GNB5: variants seen among roughly 807,000 people sequenced by gnomAD.
GNB5 encodes the protein guanine nucleotide-binding protein subunit beta-5.
GNB5 carries 37 observed loss-of-function variants against 55.3 expected under a neutral mutation model. That is an observed-to-expected ratio of 0.67 (90% CI 0.51 to 0.88). The LOEUF (loss-of-function observed/expected upper bound fraction) is 0.88, where lower values mean the gene tolerates loss of function less well. Among genes scored for constraint, GNB5 ranks in the 40% least tolerant of loss-of-function variants. The probability of loss-of-function intolerance (pLI) is 0.00; values close to 1 mark genes in which losing one functional copy is unlikely to be tolerated. For missense variants in GNB5, 476 were observed against 515.3 expected (o/e 0.92, Z 0.74); for synonymous variants, 219 against 198.5 (o/e 1.10, Z -0.87).
intron 3 of GNB5, among the ~76,000 whole-genome samples, chr15:52,166,241 T>C (rs1007641916): frequency 2.0e-5 from 3 of 152,170 alleles, no homozygotes; most frequent in African/African-American, 7.2e-5. Context: ...ACAATAATAG[T>C]GGGAGACTTT....
intron 9 of GNB5, among the ~76,000 whole-genome samples, chr15:52,132,419 A>C (rs2033599355): frequency 6.6e-6 from 1 of 151,802 alleles, no homozygotes; most frequent in Non-Finnish European, 1.5e-5. Flanking sequence ...CTAACTGGTC[A>C]TCATATTTCC....
intron 7 of GNB5, among the ~76,000 whole-genome samples, chr15:52,136,349 G>A (rs538672267): frequency 1.6e-4 from 24 of 152,286 alleles, no homozygotes; most frequent in Admixed American, 7.2e-4. Context: ...TGCCTGGCTC[G>A]TAGGAAGTGT....
chr15:52,137,782 G>A (rs566073128), intron 7 of GNB5: 1 of 1,233,056 alleles, frequency 8.1e-7, no homozygotes, highest in Admixed American at 2.7e-5. Context: ...GAGCCCTGGA[G>A]CCAGCTGGGT....
rs1189521248 is a variant in GNB5, at chr15:52,177,027, CCTT to C, written c.238+2738_238+2740del. On this transcript the variant is annotated intron_variant, in intron 3 of 12. Coordinates refer to ENST00000261837, the MANE Select transcript of GNB5 (RefSeq NM_016194.4). ...CTCCTGGGGCCTCTGCCTAGCTCCT[CCTT>C]TTTTTTTTTTTTTTTTTTTTTTGAG... Among the ~76,000 whole-genome samples the C allele has an allele frequency of 6.9e-4, 83 of 120,434 alleles. 4 individuals carry two copies. The South Asian group carries it at 0.021, about 30-fold the overall frequency. 79.0% of individuals were successfully genotyped at this position (120,434 alleles called of 152,430 possible).
intron 7 of GNB5, among the ~76,000 whole-genome samples, chr15:52,136,172 A>ACACACACACACACACACACACAC (rs1168734914): frequency 3.0e-5 from 3 of 100,116 alleles, no homozygotes; most frequent in East Asian, 2.8e-4. Context: ...ACACACACAC[A>ACACACACACACACACACACACAC]CCCTACCTGC....
At chr15:52,180,367 A>G (rs907906870) in intron 2 of GNB5, 1 of 152,516 alleles carries the variant, frequency 6.6e-6, no homozygotes, top group African/African-American at 2.4e-5. Context: ...CAGAGAGAGG[A>G]CGGGAGAGGA....
At chr15:52,175,956 G>A (rs1012231276) in intron 3 of GNB5, among the ~76,000 whole-genome samples, 2 of 152,160 alleles carry the variant, frequency 1.3e-5, no homozygotes, top group Admixed American at 1.3e-4. Context: ...GGCTGAGGCA[G>A]GAGAACTGCT....
At chr15:52,167,711 T>C (rs950749512) in intron 3 of GNB5, among the ~76,000 whole-genome samples, 1 of 151,410 alleles carries the variant, frequency 6.6e-6, no homozygotes, top group Non-Finnish European at 1.5e-5. Context: ...TTCAGGCCAA[T>C]ATCCCTGATG....
Position 52,136,442 on chromosome 15 carries a change from A to G in GNB5, c.628-686T>C, listed in dbSNP as rs75658263. Among the ~76,000 whole-genome samples the G allele has an allele frequency of 4.7e-3, 719 of 152,290 alleles. 16 individuals are homozygous for G. The highest frequency in any genetic ancestry group is 0.025 in the East Asian group (128 of 5,190). ...CAAAAACTTAAAGTGCTTCTTGGAT[A>G]CTGATGCATACACATCACTGGGCTG... On this transcript the variant is annotated intron_variant, in intron 7 of 12. Transcript: ENST00000261837.
chr15:52,179,957 C>A lies in GNB5; in HGVS notation c.127-78G>T, dbSNP rs201831470. The A allele has an allele frequency of 6.7e-3, 9,512 of 1,416,900 alleles. 73 individuals are homozygous for A. The highest frequency in any genetic ancestry group is 0.032 in the Admixed American group (1,175 of 36,550). 87.8% of individuals were successfully genotyped at this position (1,416,900 alleles called of 1,614,324 possible). A position where few individuals can be genotyped will look rare whatever the true frequency, so the allele number is the denominator to read the frequency against. On this transcript the variant is annotated intron_variant, in intron 2 of 12. Transcript: ENST00000261837. ...CCGCGGCGGGCGCCGCTCCAGCAGC[C>A]GTCCCCGGCCCCGAGCACCGCCCCG... is the stretch of plus-strand genomic sequence containing the variant.
Position 52,117,103 on chromosome 15 carries a change from T to TATATATATATATATATATATATA in GNB5, c.*5653_*5654insTATATATATATATATATATATAT, listed in dbSNP as rs1555403840. On this transcript the variant is annotated 3_prime_UTR_variant, in exon 13 of 13. Coordinates refer to ENST00000261837, the MANE Select transcript of GNB5 (RefSeq NM_016194.4). ...CACGCCCAGCTAATATATATATATATTTTTTTTTAGTACAGACAGGGTTTC... is the reference window on the plus strand; with the variant it reads ...CACGCCCAGCTAATATATATATATATATATATATATATATATATATATATTTTTTTTAGTACAGACAGGGTTTC... 4.0e-4 allele frequency: 38 copies of TATATATATATATATATATATATA among 95,942 alleles called. No individual in the cohort carries two copies. Among genetic ancestry groups the TATATATATATATATATATATATA allele is most frequent in the East Asian group, 1.1e-3 (4 of 3,720 alleles). 5.9% of individuals were successfully genotyped at this position (95,942 alleles called of 1,614,324 possible). A position where few individuals can be genotyped will look rare whatever the true frequency, so the allele number is the denominator to read the frequency against.
chr15:52,117,102 A>ATATATATATATATTTTTTTTTTTT lies in GNB5; in HGVS notation c.*5654_*5655insAAAAAAAAAAAATATATATATATA. On this transcript the variant is annotated 3_prime_UTR_variant, in exon 13 of 13. Coordinates refer to ENST00000261837, the MANE Select transcript of GNB5 (RefSeq NM_016194.4). ...CCACGCCCAGCTAATATATATATAT[A>ATATATATATATATTTTTTTTTTTT]TTTTTTTTTAGTACAGACAGGGTTT... is the stretch of plus-strand genomic sequence containing the variant. The ATATATATATATATTTTTTTTTTTT allele has an allele frequency of 9.2e-5, 8 of 87,098 alleles. No homozygotes were observed. Among genetic ancestry groups the ATATATATATATATTTTTTTTTTTT allele is most frequent in the African/African-American group, 4.9e-4 (8 of 16,444 alleles). 5.4% of individuals were successfully genotyped at this position (87,098 alleles called of 1,614,324 possible). A position where few individuals can be genotyped will look rare whatever the true frequency, so the allele number is the denominator to read the frequency against.
rs1596045010 is a variant in GNB5 at position 52,120,023 on chromosome 15, C to G, written c.*2734G>C. The G allele has an allele frequency of 6.6e-6, 1 of 152,382 alleles. No homozygotes were observed. The highest frequency in any genetic ancestry group is 2.4e-5 in the African/African-American group (1 of 41,558). 9.4% of individuals were successfully genotyped at this position (152,382 alleles called of 1,614,324 possible). A position where few individuals can be genotyped will look rare whatever the true frequency, so the allele number is the denominator to read the frequency against. On this transcript the variant is annotated 3_prime_UTR_variant, in exon 13 of 13. Coordinates refer to ENST00000261837, the MANE Select transcript of GNB5 (RefSeq NM_016194.4). ...CTGCCAGGGCCCCACCGGTGAGAGG[C>G]TGACCGCGCATTCTAAAGCACTGGA...
Position 52,117,102 on chromosome 15 carries a change from A to ATATATATATATATTTT in GNB5, c.*5654_*5655insAAAATATATATATATA. On this transcript the variant is annotated 3_prime_UTR_variant, in exon 13 of 13. Transcript: ENST00000261837. Reference sequence around the variant, plus strand: ...CCACGCCCAGCTAATATATATATATATTTTTTTTTAGTACAGACAGGGTTT... The same window carrying ATATATATATATATTTT: ...CCACGCCCAGCTAATATATATATATATATATATATATATTTTTTTTTTTTTAGTACAGACAGGGTTT... 7 of 87,094 alleles carry ATATATATATATATTTT rather than the reference A, an allele frequency of 8.0e-5. No individual in the cohort carries two copies. The highest frequency in any genetic ancestry group is 2.5e-4 in the Admixed American group (2 of 8,100). The allele number at this position is 87,094 out of a possible 1,614,324, so 5.4% of individuals were successfully genotyped here.
intron 9 of GNB5, among the ~76,000 whole-genome samples, chr15:52,132,038 G>T (rs968629769): frequency 3.9e-5 from 6 of 152,120 alleles, no homozygotes; most frequent in Non-Finnish European, 8.8e-5. Context: ...TTAGTAAATG[G>T]ACTGCTGCTT....
At position 52,122,503 on chromosome 15, in the gene GNB5, T is replaced by C. The variant is rs1468999401; in HGVS notation, c.*254A>G. 1 of 474,610 alleles carries C rather than the reference T, an allele frequency of 2.1e-6. No homozygotes were observed. Among genetic ancestry groups the C allele is most frequent in the Non-Finnish European group, 3.7e-6 (1 of 269,112 alleles). 29.4% of individuals were successfully genotyped at this position (474,610 alleles called of 1,614,324 possible). The stretch of plus-strand genomic sequence containing the variant: ...AATTTAGAATAACCTTAAAAACAGA[T>C]ACATTTTAAAAAGTGTTCCAAAAGA... On this transcript the variant is annotated 3_prime_UTR_variant, in exon 13 of 13. Transcript: ENST00000261837.
intron 6 of GNB5, chr15:52,147,174 T>G (rs1278000420): frequency 4.1e-6 from 1 of 243,736 alleles, no homozygotes; most frequent in Non-Finnish European, 8.0e-6. Context: ...TTGTTTTTTT[T>G]TTTTTTTTTT....
Position 52,122,612 on chromosome 15 carries a change from T to C in GNB5, c.*145A>G, listed in dbSNP as rs1049784940. 11 of 697,046 alleles carry C rather than the reference T, an allele frequency of 1.6e-5. No individual in the cohort carries two copies. The highest frequency in any genetic ancestry group is 7.1e-5 in the African/African-American group (4 of 56,488). 43.2% of individuals were successfully genotyped at this position (697,046 alleles called of 1,614,324 possible). A position where few individuals can be genotyped will look rare whatever the true frequency, so the allele number is the denominator to read the frequency against. ...AGAGGTGACAGTTTTAATAGTCATA[T>C]TGGAGACGCTTAGTGACCTGTGAGC... On this transcript the variant is annotated 3_prime_UTR_variant, in exon 13 of 13. Transcript: ENST00000261837.
At position 52,189,346 on chromosome 15, in the gene GNB5, C is replaced by A. The variant is rs145999928; in HGVS notation, c.-19+1976G>T. Among the ~76,000 whole-genome samples the A allele has an allele frequency of 5.5e-3, 835 of 152,278 alleles. 8 individuals carry two copies. Among genetic ancestry groups the A allele is most frequent in the African/African-American group, 0.019 (799 of 41,542 alleles). ...GGCGTGGTGGCTCATGCCTGTAATC[C>A]CAGTACTTTGGAAGGCCCAGGCGGG... On this transcript the variant is annotated intron_variant, in intron 1 of 12. Coordinates refer to ENST00000261837, the MANE Select transcript of GNB5 (RefSeq NM_016194.4).
Sources: allele counts gnomAD v4.1 joint callset (sites outside exome capture counted in the v4.1 genomes callset), GRCh38; gene constraint gnomAD v4.1.1; transcripts MANE v1.5; gene names NCBI Gene and HGNC (gene_info 2026-07-23, HGNC 2026-07-21).